TNIK: variants seen among roughly 807,000 people sequenced by gnomAD.
TNIK encodes the protein TRAF2 and NCK interacting kinase.
A neutral mutation model predicts 191.3 loss-of-function variants in TNIK; 49 were observed. That is an observed-to-expected ratio of 0.26 (90% confidence interval 0.20 to 0.32). The LOEUF (loss-of-function observed/expected upper bound fraction) is 0.32. Ranked by LOEUF, TNIK falls within the 10% of genes least tolerant of loss-of-function variation. The pLI is 1.00. For synonymous variants in TNIK, 594 were observed against 600.9 expected (o/e 0.99, Z 0.17); for missense variants, 1,155 against 1,702.3 (o/e 0.68, Z 5.66).
At chr3:171,423,238 T>C (rs1724059288) in intron 1 of TNIK, among the ~76,000 whole-genome samples, 1 of 152,052 alleles carries the variant, frequency 6.6e-6, no homozygotes, top group Admixed American at 6.6e-5. Context: ...CACAATTGCT[T>C]CAAAGAGAAT....
rs180961944 is a variant in TNIK at position 171,351,894 on chromosome 3, C to T, written c.123+17726G>A. The stretch of plus-strand genomic sequence containing the variant: ...AACACAAAAGTTAAATGGTGCATTT[C>T]AGGCACCCTGCCCATCCTGAACCCT... On this transcript the variant is annotated intron_variant, in intron 2 of 32. Coordinates refer to ENST00000436636, the MANE Select transcript of TNIK (RefSeq NM_015028.4). 2.6e-5 allele frequency among the ~76,000 whole-genome samples: 4 copies of T among 152,362 alleles called. No individual in the cohort carries two copies. The East Asian group carries it at 7.7e-4, about 29-fold the overall frequency.
intron 5 of TNIK, among the ~76,000 whole-genome samples, chr3:171,193,455 A>T (rs1436355532): frequency 6.6e-6 from 1 of 152,188 alleles, no homozygotes; most frequent in Non-Finnish European, 1.5e-5. Context: ...GTACACCTCC[A>T]TTTATTAAGG....
chr3:171,448,754 C>T (rs1577975974), intron 1 of TNIK, among the ~76,000 whole-genome samples: 1 of 151,908 alleles, frequency 6.6e-6, no homozygotes, highest in South Asian at 2.1e-4. Flanking sequence ...AATATTCTGT[C>T]TACTTATTAT....
intron 2 of TNIK, among the ~76,000 whole-genome samples, chr3:171,345,781 T>C (rs1712086242): frequency 6.6e-6 from 1 of 152,200 alleles, no homozygotes; most frequent in African/African-American, 2.4e-5. Flanking sequence ...TTCATTATGA[T>C]CATTCATGCA....
chr3:171,286,961 C>T (rs1185150292), intron 2 of TNIK, among the ~76,000 whole-genome samples: 3 of 152,102 alleles, frequency 2.0e-5, no homozygotes, highest in East Asian at 1.9e-4. Context: ...GTTTTTATGG[C>T]GTACTGTTGG....
At chr3:171,208,734 A>C (rs1374602572) in intron 4 of TNIK, among the ~76,000 whole-genome samples, 1 of 151,930 alleles carries the variant, frequency 6.6e-6, no homozygotes, top group Non-Finnish European at 1.5e-5. Flanking sequence ...ATTTTTTTGT[A>C]TTTTTAATAG....
At chr3:171,340,607 T>C (rs9862000) in intron 2 of TNIK, among the ~76,000 whole-genome samples, 3,271 of 152,296 alleles carry the variant, frequency 0.021, 132 homozygotes, top group African/African-American at 0.076. Flanking sequence ...TCGTGGACTT[T>C]ACTCCTTTCT....
At chr3:171,371,152 C>T (rs137899002) in intron 1 of TNIK, among the ~76,000 whole-genome samples, 80 of 152,106 alleles carry the variant, frequency 5.3e-4, no homozygotes, top group African/African-American at 1.9e-3. Context: ...TTCAAGTAGT[C>T]GGAAATCTAT....
At chr3:171,143,512 A>G (rs1731132867) in intron 12 of TNIK, among the ~76,000 whole-genome samples, 1 of 152,230 alleles carries the variant, frequency 6.6e-6, no homozygotes, top group Non-Finnish European at 1.5e-5. Flanking sequence ...CGCTGAACAT[A>G]GTAAGAAACT....
chr3:171,395,694 T>G (rs200942466), intron 1 of TNIK, among the ~76,000 whole-genome samples: 38 of 152,312 alleles, frequency 2.5e-4, no homozygotes, highest in East Asian at 2.3e-3. Context: ...TATTTTTAAC[T>G]TATGAAATAC....
chr3:171,120,793 GAAGAA>G (rs986869547), intron 18 of TNIK, among the ~76,000 whole-genome samples: 1 of 152,092 alleles, frequency 6.6e-6, no homozygotes, highest in African/African-American at 2.4e-5. Flanking sequence ...GTTTGCCACA[GAAGAA>G]GAGAGAGGTT....
chr3:171,136,865 AG>A lies in TNIK; in HGVS notation c.1608+1325del, dbSNP rs568094637. On this transcript the variant is annotated intron_variant, in intron 15 of 32. Coordinates refer to ENST00000436636, the MANE Select transcript of TNIK (RefSeq NM_015028.4). Reference sequence around the variant, plus strand: ...AGGGGTCGATGCTGTACCTGGGAGTAGGATCACAAAATTGAATTACTGATCT... The same window carrying A: ...AGGGGTCGATGCTGTACCTGGGAGTAGATCACAAAATTGAATTACTGATCT... Among the ~76,000 whole-genome samples, 803 of 152,322 alleles carry A rather than the reference AG, an allele frequency of 5.3e-3. 2 individuals carry two copies. Among genetic ancestry groups the A allele is most frequent in the Non-Finnish European group, 8.7e-3 (593 of 68,026 alleles).
chr3:171,097,334 T>A (rs1358438466), intron 22 of TNIK, among the ~76,000 whole-genome samples: 1 of 152,214 alleles, frequency 6.6e-6, no homozygotes, highest in African/African-American at 2.4e-5. Flanking sequence ...ACATTCTAGT[T>A]GAGAAAGTTG....
At chr3:171,389,357 A>G (rs1372719731) in intron 1 of TNIK, among the ~76,000 whole-genome samples, 4 of 152,218 alleles carry the variant, frequency 2.6e-5, no homozygotes, top group Non-Finnish European at 4.4e-5. Flanking sequence ...GTCAGCAACC[A>G]TAAACAGATT....
intron 18 of TNIK, among the ~76,000 whole-genome samples, chr3:171,112,972 T>C (rs1230184895): frequency 6.6e-6 from 1 of 152,122 alleles, no homozygotes; most frequent in Non-Finnish European, 1.5e-5. Context: ...GGCCTAAGTT[T>C]GGGGTGTGTG....
chr3:171,434,900 A>G (rs1396613390), intron 1 of TNIK, among the ~76,000 whole-genome samples: 1 of 152,174 alleles, frequency 6.6e-6, no homozygotes, highest in Non-Finnish European at 1.5e-5. Context: ...AAGAACATGC[A>G]TTAATTAGGA....
chr3:171,181,650 C>A (rs928196512), intron 7 of TNIK, among the ~76,000 whole-genome samples: 14 of 152,322 alleles, frequency 9.2e-5, no homozygotes, highest in Admixed American at 5.9e-4. Flanking sequence ...TTTCCCACTT[C>A]TTAGTGCCTT....
intron 1 of TNIK, among the ~76,000 whole-genome samples, chr3:171,422,901 G>A (rs1235810871): frequency 1.3e-5 from 2 of 152,172 alleles, no homozygotes; most frequent in African/African-American, 4.8e-5. Flanking sequence ...GAACTATGCA[G>A]CCTGTTGCAT....
intron 28 of TNIK, among the ~76,000 whole-genome samples, chr3:171,073,261 C>T (rs1479836487): frequency 6.6e-6 from 1 of 152,096 alleles, no homozygotes; most frequent in Admixed American, 6.5e-5. Flanking sequence ...CTACAACCAA[C>T]TGATCTTCAA....
Sources: allele counts gnomAD v4.1 joint callset (sites outside exome capture counted in the v4.1 genomes callset), GRCh38; gene constraint gnomAD v4.1.1; transcripts MANE v1.5; gene names NCBI Gene and HGNC (gene_info 2026-07-23, HGNC 2026-07-21).